Variants in SESN1 observed in about 807,000 individuals in gnomAD.
SESN1 encodes sestrin-1.
A neutral mutation model predicts 59.3 loss-of-function variants in SESN1; 30 were observed. The ratio of observed to expected loss-of-function variants is 0.51; its 90% CI spans 0.38 to 0.69. The LOEUF is 0.69. Among genes scored for constraint, SESN1 ranks in the 30% least tolerant of loss-of-function variants. SESN1 has a pLI of 0.00. For missense variants in SESN1, 566 were observed against 673.0 expected, an observed-to-expected ratio of 0.84 and a Z score of 1.76; for synonymous variants, 197 against 219.9, an observed-to-expected ratio of 0.90 and a Z score of 0.92.
rs555954623 is a variant in SESN1, at chr6:109,046,897, G to A, written c.280-44554C>T. 5.2e-3 allele frequency among the ~76,000 whole-genome samples: 633 copies of A among 121,402 alleles called. 49 individuals are homozygous for A. The East Asian group carries it at 0.14, about 27-fold the overall frequency. 79.6% of individuals were successfully genotyped at this position (121,402 alleles called of 152,430 possible). A position where few individuals can be genotyped will look rare whatever the true frequency, so the allele number is the denominator to read the frequency against. The stretch of plus-strand genomic sequence containing the variant: ...AGCCCCTCCGTCCGGCAGCTGCCCC[G>A]TCTGAGAAGTGAGGAGCCTCTCCGC... On this transcript the variant is annotated intron_variant, in intron 1 of 9. Coordinates refer to ENST00000436639, the MANE Select transcript of SESN1 (RefSeq NM_014454.3).
intron 1 of SESN1, among the ~76,000 whole-genome samples, chr6:109,006,611 T>C (rs1321894746): frequency 1.3e-5 from 2 of 152,124 alleles, no homozygotes; most frequent in Admixed American, 6.5e-5. Flanking sequence ...GTATCTTTCA[T>C]TATTATTCTT....
chr6:109,024,395 G>T (rs1780058524), intron 1 of SESN1, among the ~76,000 whole-genome samples: 1 of 152,108 alleles, frequency 6.6e-6, no homozygotes, highest in African/African-American at 2.4e-5. Context: ...TAAGAACTTG[G>T]ATAGCACAGT....
chr6:109,025,754 T>C (rs1780081316), intron 1 of SESN1, among the ~76,000 whole-genome samples: 1 of 151,712 alleles, frequency 6.6e-6, no homozygotes, highest in Admixed American at 6.6e-5. Flanking sequence ...AGAAAGTAAA[T>C]CTGAAGAGTC....
At chr6:109,029,967 A>G (rs1254854975) in intron 1 of SESN1, among the ~76,000 whole-genome samples, 2 of 152,246 alleles carry the variant, frequency 1.3e-5, no homozygotes, top group African/African-American at 4.8e-5. Flanking sequence ...TATTAACATG[A>G]CAGATAACAT....
intron 1 of SESN1, among the ~76,000 whole-genome samples, chr6:109,079,317 G>A (rs963067399): frequency 1.3e-5 from 2 of 152,078 alleles, no homozygotes; most frequent in Admixed American, 6.6e-5. Context: ...AAGCTTTAAT[G>A]TAGTATTTAA....
chr6:109,087,367 G>C (rs965217185), intron 1 of SESN1, among the ~76,000 whole-genome samples: 6 of 151,944 alleles, frequency 3.9e-5, no homozygotes, highest in Non-Finnish European at 1.5e-5. Flanking sequence ...TTAAAGATTT[G>C]CCTTCAGTTT....
intron 1 of SESN1, among the ~76,000 whole-genome samples, chr6:109,017,018 T>G (rs1316467960): frequency 2.6e-5 from 4 of 151,986 alleles, no homozygotes; most frequent in African/African-American, 9.7e-5. Context: ...AATGCTATTA[T>G]TTTATATATT....
rs573316211 is a variant in SESN1 at position 109,089,059 on chromosome 6, ATT to A, written c.279+4734_279+4735del. ...AAAGATGCTATCTCCCAATGTGTCC[ATT>A]TTTTTTTTTTTTAACAGATTTAGCT... On this transcript the variant is annotated intron_variant, in intron 1 of 9. Coordinates refer to ENST00000436639, the MANE Select transcript of SESN1 (RefSeq NM_014454.3). 6.9e-3 allele frequency among the ~76,000 whole-genome samples: 993 copies of A among 144,476 alleles called. 12 individuals carry two copies. Among genetic ancestry groups the A allele is most frequent in the African/African-American group, 0.024 (944 of 39,716 alleles). The allele number at this position is 144,476 out of a possible 152,430, so 94.8% of individuals were successfully genotyped here.
At position 108,998,122 on chromosome 6, in the gene SESN1, CAA is replaced by C. The variant is rs1437024276; in HGVS notation, c.972+389_972+390del. Among the ~76,000 whole-genome samples the C allele has an allele frequency of 7.9e-5, 12 of 152,210 alleles. 1 individual carries two copies. The highest frequency in any genetic ancestry group is 3.4e-3 in the Middle Eastern group (1 of 294). On this transcript the variant is annotated intron_variant, in intron 5 of 9. Transcript: ENST00000436639. The stretch of plus-strand genomic sequence containing the variant: ...AAGAAGCCAGACTGTTTATTTTGTG[CAA>C]AAGAGAAGAATGTGATTGGCACAAA...
rs778766217 is a variant in SESN1 at position 109,094,033 on chromosome 6, CAG to C, written c.39_40del (p.Cys14GlnfsTer7). 45 of 1,614,184 alleles carry C rather than the reference CAG, an allele frequency of 2.8e-5. No homozygotes were observed. The highest frequency in any genetic ancestry group is 1.7e-4 in the Admixed American group (10 of 60,030). On this transcript the variant is annotated frameshift_variant, in exon 1 of 10. Transcript: ENST00000436639. LOFTEE classifies it high-confidence loss of function. Reference sequence around the variant, plus strand: ...CTCCCTAGTAGTTGAATCTCTGCTGCAGAGTCCATCCCATCTCACTTCATTCT... The same window carrying C: ...CTCCCTAGTAGTTGAATCTCTGCTGCAGTCCATCCCATCTCACTTCATTCT...
At chr6:108,995,261 TTAAA>T (rs901081759) in intron 5 of SESN1, among the ~76,000 whole-genome samples, 4 of 152,196 alleles carry the variant, frequency 2.6e-5, no homozygotes, top group Non-Finnish European at 5.9e-5. Context: ...TGCTTAATCT[TTAAA>T]TAAATAAGAT....
At chr6:109,028,268 G>A (rs1318848278) in intron 1 of SESN1, among the ~76,000 whole-genome samples, 1 of 152,124 alleles carries the variant, frequency 6.6e-6, no homozygotes, top group African/African-American at 2.4e-5. Flanking sequence ...GGGATTATGG[G>A]TGAAGGGCAT....
At chr6:109,008,331 C>T (rs1165035581) in intron 1 of SESN1, among the ~76,000 whole-genome samples, 3 of 152,184 alleles carry the variant, frequency 2.0e-5, no homozygotes, top group Admixed American at 1.3e-4. Flanking sequence ...TACTTTCATA[C>T]TGTTTTCACT....
At position 109,000,147 on chromosome 6, in the gene SESN1, G is replaced by C. The variant is rs543402610; in HGVS notation, c.729+344C>G. ...CAGGGGTTTAGGGGAAGGGGAAAGG[G>C]GGGGAAAGGGATGAACAGGTGGAAC... On this transcript the variant is annotated intron_variant, in intron 4 of 9. Transcript: ENST00000436639. 326 of 164,622 alleles carry C rather than the reference G, an allele frequency of 2.0e-3. 1 individual carries two copies. The highest frequency in any genetic ancestry group is 7.3e-3 in the African/African-American group (308 of 42,128). The allele number at this position is 164,622 out of a possible 1,614,324, so 10.2% of individuals were successfully genotyped here.
chr6:109,066,531 C>T (rs1404290271), intron 1 of SESN1, among the ~76,000 whole-genome samples: 1 of 151,944 alleles, frequency 6.6e-6, no homozygotes, highest in African/African-American at 2.4e-5. Flanking sequence ...TAACCAAGAT[C>T]CAGACATGTA....
rs565105118 is a variant in SESN1, at chr6:109,019,748, A to T, written c.280-17405T>A. On this transcript the variant is annotated intron_variant, in intron 1 of 9. Coordinates refer to ENST00000436639, the MANE Select transcript of SESN1 (RefSeq NM_014454.3). ...ATTAACAAAGATATTATTGATATCC[A>T]GATAATTTTTAGTATAACAGGCAGG... 3.3e-5 allele frequency among the ~76,000 whole-genome samples: 5 copies of T among 152,348 alleles called. No individual in the cohort carries two copies. The South Asian group carries it at 8.3e-4, about 25-fold the overall frequency.
chr6:109,074,687 T>A (rs1562474772), intron 1 of SESN1, among the ~76,000 whole-genome samples: 2 of 152,234 alleles, frequency 1.3e-5, no homozygotes, highest in Non-Finnish European at 2.9e-5. Flanking sequence ...TAATATTTAA[T>A]CTCACTCCTT....
At chr6:109,008,793 A>C (rs1241381373) in intron 1 of SESN1, 1 of 985,374 alleles carries the variant, frequency 1.0e-6, no homozygotes, top group Non-Finnish European at 1.2e-6. Context: ...CTTAATACGC[A>C]AGAGTAAACG....
intron 1 of SESN1, among the ~76,000 whole-genome samples, chr6:109,033,312 T>A (rs967305950): frequency 6.6e-6 from 1 of 152,220 alleles, no homozygotes; most frequent in Non-Finnish European, 1.5e-5. Flanking sequence ...GAAGGCAGAC[T>A]GTTAAAAACT....
Sources: gnomAD v4.1 joint callset for allele counts (sites outside exome capture counted in the v4.1 genomes callset) on GRCh38, gnomAD v4.1.1 for gene constraint, MANE v1.5 for transcripts, NCBI Gene and HGNC (gene_info 2026-07-23, HGNC 2026-07-21) for gene names.